AMD1: variants seen among roughly 807,000 people sequenced by gnomAD.
AMD1 encodes adenosylmethionine decarboxylase 1, also known as S-adenosylmethionine decarboxylase proenzyme.
Under a neutral mutation model 40.2 loss-of-function variants are expected in AMD1, and 11 were observed. The observed-to-expected ratio is 0.27, with a 90% CI of 0.17 to 0.45. The LOEUF (loss-of-function observed/expected upper bound fraction) is 0.45, where lower values mean the gene tolerates loss of function less well. Ranked by LOEUF, AMD1 falls within the 20% of genes least tolerant of loss-of-function variation. The pLI, the probability that AMD1 is intolerant of heterozygous loss-of-function variation, is 1.00. For synonymous variants in AMD1, 121 were observed against 130.8 expected (o/e 0.93, Z 0.51); for missense variants, 257 against 410.2 (o/e 0.63, Z 3.23).
At chr6:110,888,276 G>A (rs1459131379) in intron 2 of AMD1, 1 of 152,184 alleles carries the variant, frequency 6.6e-6, no homozygotes, top group African/African-American at 2.4e-5. Flanking sequence ...TATATATTGT[G>A]ATGGGCCTTG....
At chr6:110,826,550 C>T in the AMD1 span, among the ~76,000 whole-genome samples, 1 of 152,136 alleles carries the variant, frequency 6.6e-6, no homozygotes, top group Non-Finnish European at 1.5e-5. Context: ...GAGAATCCTT[C>T]TGTGCAGATT....
At chr6:110,872,096 C>T (rs1784928486), upstream of AMD1, among the ~76,000 whole-genome samples, 2 of 152,162 alleles carry the variant, frequency 1.3e-5, no homozygotes, top group Admixed American at 6.5e-5. Flanking sequence ...GTCTCAATGG[C>T]TTTGGCAACC....
At chr6:110,829,008 A>G in the AMD1 span, among the ~76,000 whole-genome samples, 1 of 152,112 alleles carries the variant, frequency 6.6e-6, no homozygotes. Context: ...TGTCTCTACT[A>G]AAAATACAAA....
chr6:110,847,723 T>G, the AMD1 span, among the ~76,000 whole-genome samples: 3 of 111,646 alleles, frequency 2.7e-5, no homozygotes, highest in African/African-American at 9.6e-5. Context: ...TTGTTTTTTG[T>G]TTTTTTGAGA....
chr6:110,851,153 A>C, the AMD1 span, among the ~76,000 whole-genome samples: 1 of 151,962 alleles, frequency 6.6e-6, no homozygotes, highest in South Asian at 2.1e-4. Flanking sequence ...TTTAGTAGAG[A>C]CGAGGTTTCA....
intron 3 of AMD1, chr6:110,889,856 C>G (rs1785911262): frequency 6.3e-6 from 1 of 159,872 alleles, no homozygotes; most frequent in South Asian, 1.8e-4. Context: ...GCAATGTGTG[C>G]TTAACCGATG....
chr6:110,875,462 C>T lies in AMD1; in HGVS notation c.110+247C>T, dbSNP rs45563639. 1.0e-3 allele frequency: 430 copies of T among 427,302 alleles called. 2 individuals carry two copies. Among genetic ancestry groups the T allele is most frequent in the Non-Finnish European group, 1.6e-3 (376 of 239,320 alleles). The allele number at this position is 427,302 out of a possible 1,614,324, so 26.5% of individuals were successfully genotyped here. A position where few individuals can be genotyped will look rare whatever the true frequency, so the allele number is the denominator to read the frequency against. On this transcript the variant is annotated intron_variant, in intron 1 of 8. Coordinates refer to ENST00000368885, the MANE Select transcript of AMD1 (RefSeq NM_001634.6). Reference sequence around the variant, plus strand: ...ATTGCCCTGGGGGAGGGGAGGAGGCCGGCGCGGCCGCGTGCTCAGGTAACG... The same window carrying T: ...ATTGCCCTGGGGGAGGGGAGGAGGCTGGCGCGGCCGCGTGCTCAGGTAACG...
the AMD1 span, among the ~76,000 whole-genome samples, chr6:110,857,605 T>G: frequency 2.7e-5 from 4 of 147,462 alleles, no homozygotes; most frequent in South Asian, 2.1e-4. Flanking sequence ...TATATATATA[T>G]ATGGTATATA....
rs969025751 is a variant in AMD1, at chr6:110,893,178, A to G, written c.864+113A>G. Reference sequence around the variant, plus strand: ...GATAGCACATATACCAGCCACTCAGATATCCAGAAGTAATATTGTTTGAGG... The same window carrying G: ...GATAGCACATATACCAGCCACTCAGGTATCCAGAAGTAATATTGTTTGAGG... On this transcript the variant is annotated intron_variant, in intron 8 of 8. Coordinates refer to ENST00000368885, the MANE Select transcript of AMD1 (RefSeq NM_001634.6). 4.9e-6 allele frequency: 5 copies of G among 1,019,990 alleles called. No individual in the cohort carries two copies. In the African/African-American group the frequency reaches 8.2e-5, roughly 17 times the overall value. The allele number at this position is 1,019,990 out of a possible 1,614,324, so 63.2% of individuals were successfully genotyped here. A position where few individuals can be genotyped will look rare whatever the true frequency, so the allele number is the denominator to read the frequency against.
intron 1 of AMD1, among the ~76,000 whole-genome samples, chr6:110,882,199 TTGGCTCACTGCAACCTAATTTTAAAAA>T (rs1405416344): frequency 1.3e-5 from 2 of 152,220 alleles, no homozygotes; most frequent in African/African-American, 4.8e-5. Flanking sequence ...TGGCACGATC[TTGGCTCACTGCAACCTAATTTTAAAAA>T]TGGCTCTGTC....
chr6:110,892,464 T>C (rs1300912538), intron 6 of AMD1, 21 bp downstream of exon 6: 9 of 1,611,264 alleles, frequency 5.6e-6, no homozygotes, highest in Non-Finnish European at 6.8e-6. Context: ...TTAGTAATAA[T>C]TGTTGCTGGA....
chr6:110,864,772 C>T, the AMD1 span, among the ~76,000 whole-genome samples: 1 of 152,214 alleles, frequency 6.6e-6, no homozygotes, highest in South Asian at 2.1e-4. Context: ...ACTAGCATCA[C>T]CCCTAGACAC....
chr6:110,875,559 T>G, intron 1 of AMD1: 1 of 194,108 alleles, frequency 5.2e-6, no homozygotes, highest in Non-Finnish European at 1.0e-5. Flanking sequence ...TTTCCCTCCG[T>G]AGTAGTTGGC....
chr6:110,833,538 T>C, the AMD1 span, among the ~76,000 whole-genome samples: 19 of 152,220 alleles, frequency 1.2e-4, no homozygotes, highest in African/African-American at 4.1e-4. Context: ...AATAGTTTAG[T>C]TTAAAATCTT....
At chr6:110,876,322 G>A (rs545602370) in intron 1 of AMD1, among the ~76,000 whole-genome samples, 50 of 152,354 alleles carry the variant, frequency 3.3e-4, no homozygotes, top group Non-Finnish European at 6.9e-4. Context: ...GTGCGGCTAG[G>A]GTGGCGGTGC....
At chr6:110,815,217 C>T in the AMD1 span, 1 of 1,395,418 alleles carries the variant, frequency 7.2e-7, no homozygotes, top group Non-Finnish European at 9.3e-7. Flanking sequence ...GCGACCGCCG[C>T]TCCACTTCTC....
At chr6:110,862,540 C>T in the AMD1 span, among the ~76,000 whole-genome samples, 1 of 150,518 alleles carries the variant, frequency 6.6e-6, no homozygotes, top group Non-Finnish European at 1.5e-5. Flanking sequence ...GATCTGAGCT[C>T]ACTGCAACCT....
Position 110,892,730 on chromosome 6 carries a change from C to CCT in AMD1, c.616-4_616-3insTC. On this transcript the variant is annotated splice_region_variant and splice_polypyrimidine_tract_variant and intron_variant, in intron 6 of 8. Coordinates refer to ENST00000368885, the MANE Select transcript of AMD1 (RefSeq NM_001634.6). ...TTGTTAAACTCGGTCTTTTTCCCCC[C>CCT]CCAGGAGAGTGGAATTCGTGACCTG... 1 of 1,612,024 alleles carries CCT rather than the reference C, an allele frequency of 6.2e-7. No homozygotes were observed. Among genetic ancestry groups the CCT allele is most frequent in the Non-Finnish European group, 8.5e-7 (1 of 1,179,222 alleles).
the AMD1 span, among the ~76,000 whole-genome samples, chr6:110,821,625 G>T: frequency 1.4e-4 from 21 of 151,564 alleles, no homozygotes; most frequent in Non-Finnish European, 2.5e-4. Context: ...AAAAGAAGAA[G>T]AAGAAAGAAA....
Sources: gnomAD v4.1 joint callset for allele counts (sites outside exome capture counted in the v4.1 genomes callset) on GRCh38, gnomAD v4.1.1 for gene constraint, MANE v1.5 for transcripts, NCBI Gene and HGNC (gene_info 2026-07-23, HGNC 2026-07-21) for gene names.